The following PTDSS1 variants were observed in gnomAD, a reference collection of about 807,000 sequenced individuals.
PTDSS1 encodes the protein phosphatidylserine synthase 1, also known as PSS-1.
PTDSS1 carries 45 observed loss-of-function variants against 70.5 expected under a neutral mutation model. The observed-to-expected ratio is 0.64, with a 90% confidence interval of 0.50 to 0.82. PTDSS1 has a LOEUF of 0.82. Ranked by LOEUF, PTDSS1 falls within the 40% of genes least tolerant of loss-of-function variation. PTDSS1 has a pLI of 0.00. For missense variants in PTDSS1, 417 were observed against 586.1 expected, an observed-to-expected ratio of 0.71 and a Z score of 2.98; for synonymous variants, 188 against 203.8, an observed-to-expected ratio of 0.92 and a Z score of 0.66.
At chr8:96,299,965 C>G in intron 6 of PTDSS1, 120 bp downstream of exon 6, 3 of 1,237,008 alleles carry the variant, frequency 2.4e-6, no homozygotes, top group Non-Finnish European at 3.3e-6. Context: ...ATGTTAATAA[C>G]TGAAACTCAT....
At chr8:96,316,830 T>C (rs557762268) in intron 9 of PTDSS1, among the ~76,000 whole-genome samples, 1 of 151,976 alleles carries the variant, frequency 6.6e-6, no homozygotes, top group Admixed American at 6.6e-5. Context: ...CCATCTCTAC[T>C]AAAAATACAA....
chr8:96,284,290 T>A, intron 3 of PTDSS1, 137 bp downstream of exon 3: 1 of 720,492 alleles, frequency 1.4e-6, no homozygotes, highest in Non-Finnish European at 2.2e-6. Flanking sequence ...GTTCCTAATA[T>A]ACATGTTTTC....
intron 9 of PTDSS1, among the ~76,000 whole-genome samples, chr8:96,310,873 C>A (rs1364280182): frequency 6.6e-6 from 1 of 151,940 alleles, no homozygotes; most frequent in Non-Finnish European, 1.5e-5. Context: ...TCAAGCGATT[C>A]TCCTGCCTCA....
chr8:96,332,682 A>G (rs1300413042), intron 12 of PTDSS1, among the ~76,000 whole-genome samples: 1 of 152,222 alleles, frequency 6.6e-6, no homozygotes, highest in Non-Finnish European at 1.5e-5. Flanking sequence ...TTGATGGAAT[A>G]ATAAAAAAAG....
rs531579660 is a variant in PTDSS1, at chr8:96,316,590, C to A, written c.1074-3656C>A. Among the ~76,000 whole-genome samples the A allele has an allele frequency of 9.2e-4, 140 of 152,304 alleles. 2 individuals are homozygous for A. The highest frequency in any genetic ancestry group is 3.2e-3 in the African/African-American group (133 of 41,570). On this transcript the variant is annotated intron_variant, in intron 9 of 12. Coordinates refer to ENST00000517309, the MANE Select transcript of PTDSS1 (RefSeq NM_014754.3). Reference sequence around the variant, plus strand: ...AGGAAGCGGGGCATGGGTGGGAAAACTACTTGCTGGGTGCTACGCTCACTA... The same window carrying A: ...AGGAAGCGGGGCATGGGTGGGAAAAATACTTGCTGGGTGCTACGCTCACTA...
chr8:96,298,420 T>C (rs1030636188), intron 5 of PTDSS1, among the ~76,000 whole-genome samples: 7 of 152,228 alleles, frequency 4.6e-5, no homozygotes, highest in Non-Finnish European at 1.0e-4. Flanking sequence ...TTTCATCTTT[T>C]TACATTGGGC....
intron 9 of PTDSS1, among the ~76,000 whole-genome samples, chr8:96,318,754 G>A (rs899173845): frequency 6.6e-6 from 1 of 152,090 alleles, no homozygotes; most frequent in Non-Finnish European, 1.5e-5. Flanking sequence ...GAGAATTTCT[G>A]TTGATTTTTC....
At chr8:96,279,073 C>T (rs542365600) in intron 2 of PTDSS1, among the ~76,000 whole-genome samples, 1 of 150,184 alleles carries the variant, frequency 6.7e-6, no homozygotes, top group Non-Finnish European at 1.5e-5. Context: ...CGGGCTCAAG[C>T]GATTCTTGTG....
chr8:96,324,409 G>A (rs769567589), intron 10 of PTDSS1, among the ~76,000 whole-genome samples: 8 of 152,238 alleles, frequency 5.3e-5, no homozygotes, highest in South Asian at 2.1e-4. Flanking sequence ...TTTTGGTACC[G>A]ATTTTCTGTC....
intron 1 of PTDSS1, among the ~76,000 whole-genome samples, chr8:96,269,881 G>A (rs1810540415): frequency 6.6e-6 from 1 of 152,204 alleles, no homozygotes; most frequent in Admixed American, 6.5e-5. Flanking sequence ...GGAATGAGTG[G>A]ACGTAAATGA....
At position 96,304,038 on chromosome 8, in the gene PTDSS1, A is replaced by G; in HGVS notation, c.753-2A>G. The G allele has an allele frequency of 3.1e-6, 5 of 1,603,204 alleles. No individual in the cohort carries two copies. The highest frequency in any genetic ancestry group is 4.2e-6 in the Non-Finnish European group (5 of 1,176,998). On this transcript the variant is annotated splice_acceptor_variant, in intron 6 of 12. Transcript: ENST00000517309. LOFTEE classifies it high-confidence loss of function. ...TTCACTGGAGCCATTCTCTTCTTAC[A>G]GGGACATTCATACCACCACCGGGAA...
intron 6 of PTDSS1, 22 bp from the exon 7 acceptor site, chr8:96,304,018 T>C: frequency 6.3e-7 from 1 of 1,590,678 alleles, no homozygotes; most frequent in Middle Eastern, 1.7e-4. Context: ...GGATTTTCAC[T>C]GGAGCCATTC....
chr8:96,266,108 A>C (rs985340400), intron 1 of PTDSS1, among the ~76,000 whole-genome samples: 10 of 152,218 alleles, frequency 6.6e-5, no homozygotes, highest in African/African-American at 2.2e-4. Flanking sequence ...GAATGCCTTT[A>C]GTTTAAAAAA....
At chr8:96,330,714 T>C in intron 11 of PTDSS1, 1 of 392,992 alleles carries the variant, frequency 2.5e-6, no homozygotes. Context: ...TAGACATGAA[T>C]GGCTTTAAGA....
Position 96,262,750 on chromosome 8 carries a change from C to T in PTDSS1, c.179+531C>T, listed in dbSNP as rs1186556049. Reference sequence around the variant, plus strand: ...CACTATCCGTAACGCACAAAAAATGCACATGTGTGCTGCATACACGGTCTT... The same window carrying T: ...CACTATCCGTAACGCACAAAAAATGTACATGTGTGCTGCATACACGGTCTT... On this transcript the variant is annotated intron_variant, in intron 1 of 12. Transcript: ENST00000517309. The surrounding 1 kb of genome is among the most constrained non-coding windows in gnomAD (Gnocchi z 4.4). Among the ~76,000 whole-genome samples the T allele has an allele frequency of 6.6e-6, 1 of 152,226 alleles. No individual in the cohort carries two copies. Among genetic ancestry groups the T allele is most frequent in the African/African-American group, 2.4e-5 (1 of 41,452 alleles).
chr8:96,309,978 C>T (rs1449530673), intron 9 of PTDSS1, among the ~76,000 whole-genome samples: 2 of 151,870 alleles, frequency 1.3e-5, no homozygotes, highest in Non-Finnish European at 2.9e-5. Flanking sequence ...ACCTGGTCAA[C>T]ATGGCGAAAC....
intron 4 of PTDSS1, 77 bp from the exon 5 acceptor site, chr8:96,295,021 T>G: frequency 1.4e-6 from 2 of 1,394,344 alleles, no homozygotes; most frequent in Non-Finnish European, 1.9e-6. Flanking sequence ...ATCTATTCTT[T>G]TTATTTACCG....
intron 9 of PTDSS1, among the ~76,000 whole-genome samples, chr8:96,316,371 T>C (rs1811288999): frequency 6.6e-6 from 1 of 152,110 alleles, no homozygotes; most frequent in South Asian, 2.1e-4. Flanking sequence ...ATAGACACCA[T>C]GGAATAATAC....
chr8:96,271,091 A>T (rs1439559572), intron 1 of PTDSS1, among the ~76,000 whole-genome samples: 1 of 152,206 alleles, frequency 6.6e-6, no homozygotes, highest in African/African-American at 2.4e-5. Flanking sequence ...CGTCGCTTGA[A>T]GTCCAAGATA....
Sources: allele counts gnomAD v4.1 joint callset (sites outside exome capture counted in the v4.1 genomes callset), GRCh38; gene constraint gnomAD v4.1.1; non-coding constraint Gnocchi (gnomAD v3.1); transcripts MANE v1.5; gene names NCBI Gene and HGNC (gene_info 2026-07-23, HGNC 2026-07-21).